Variants in ZFAT observed in about 807,000 individuals in gnomAD.
The protein encoded by ZFAT is zinc finger and AT-hook domain containing.
Under a neutral mutation model 117.7 loss-of-function variants are expected in ZFAT, and 64 were observed. The ratio of observed to expected loss-of-function variants is 0.54; its 90% CI spans 0.44 to 0.67. The LOEUF (loss-of-function observed/expected upper bound fraction) is 0.67, where lower values mean the gene tolerates loss of function less well. Ranked by LOEUF, ZFAT falls within the 30% of genes least tolerant of loss-of-function variation. The pLI is 0.00. For synonymous variants in ZFAT, 679 were observed against 615.0 expected (o/e 1.10, Z -1.54); for missense variants, 1,433 against 1,584.5 (o/e 0.90, Z 1.62).
At chr8:134,775,510 G>A in the ZFAT span, among the ~76,000 whole-genome samples, 2 of 152,164 alleles carry the variant, frequency 1.3e-5, no homozygotes, top group African/African-American at 4.8e-5. Flanking sequence ...AACAAGGAGA[G>A]TACCCACCTT....
chr8:134,679,663 A>G (rs926058845), intron 1 of ZFAT, among the ~76,000 whole-genome samples: 3 of 152,258 alleles, frequency 2.0e-5, no homozygotes, highest in Non-Finnish European at 4.4e-5. Context: ...CACTGTTCAC[A>G]ATAGCAAAGA....
chr8:134,802,405 A>C, the ZFAT span, among the ~76,000 whole-genome samples: 2 of 152,230 alleles, frequency 1.3e-5, no homozygotes, highest in African/African-American at 4.8e-5. Context: ...TACCACATGC[A>C]TGCTGGGGTT....
chr8:134,537,096 T>C (rs1396899360), intron 11 of ZFAT, among the ~76,000 whole-genome samples: 3 of 152,260 alleles, frequency 2.0e-5, no homozygotes, highest in Admixed American at 1.3e-4. Context: ...TTTTTACTGA[T>C]AGCTACTATA....
intron 1 of ZFAT, among the ~76,000 whole-genome samples, chr8:134,691,528 A>G (rs1833587838): frequency 6.6e-6 from 1 of 152,236 alleles, no homozygotes; most frequent in East Asian, 1.9e-4. Flanking sequence ...GCAATTTTGC[A>G]AGGTGAGGAG....
At chr8:134,737,305 AATAAAAAAAT>A in the ZFAT span, among the ~76,000 whole-genome samples, 12 of 122,972 alleles carry the variant, frequency 9.8e-5, no homozygotes, top group African/African-American at 3.6e-4. Flanking sequence ...TAAAAATAAA[AATAAAAAAAT>A]AAAAATGTAG....
upstream of ZFAT, among the ~76,000 whole-genome samples, chr8:134,716,315 A>T (rs12679143): frequency 0.34 from 52,333 of 152,016 alleles, 9,331 homozygotes; most frequent in South Asian, 0.44. Flanking sequence ...TAATCCACTT[A>T]AAAATCATAT....
rs768220839 is a variant in ZFAT, at chr8:134,590,293, C to T, written c.2538G>A (p.Lys846=). The T allele has an allele frequency of 6.2e-7, 1 of 1,613,336 alleles. No individual in the cohort carries two copies. Among genetic ancestry groups the T allele is most frequent in the South Asian group, 1.1e-5 (1 of 91,058 alleles). ...EKSFSEDRLI[K]SHIKTNHPEV... ...CAGGATGGTTGGTCTTGATATGTGA[C>T]TTTATCAATCGATCCTCTGAAAAAG... Residue 846 remains lysine, a synonymous_variant, in exon 8 of 16, where the codon AAG becomes AAA. Transcript: ENST00000377838.
intron 12 of ZFAT, among the ~76,000 whole-genome samples, chr8:134,529,019 G>A (rs1177668259): frequency 1.3e-5 from 2 of 152,194 alleles, no homozygotes; most frequent in Non-Finnish European, 1.5e-5. Flanking sequence ...CTTAGAGAAT[G>A]ATATCTAATC....
chr8:134,718,776 A>G, the ZFAT span, among the ~76,000 whole-genome samples: 1 of 152,218 alleles, frequency 6.6e-6, no homozygotes, highest in Non-Finnish European at 1.5e-5. Flanking sequence ...TTAAGCATTT[A>G]TTTGTAGCTG....
upstream of ZFAT, among the ~76,000 whole-genome samples, chr8:134,713,895 CAA>C (rs386730365): frequency 2.0e-5 from 3 of 151,866 alleles, no homozygotes; most frequent in Non-Finnish European, 2.9e-5. Context: ...TTACCTCTGT[CAA>C]TGGTCACCCC....
intron 11 of ZFAT, among the ~76,000 whole-genome samples, chr8:134,533,706 T>C (rs1354952800): frequency 6.6e-6 from 1 of 152,208 alleles, no homozygotes; most frequent in Non-Finnish European, 1.5e-5. Context: ...CAAGACACTT[T>C]CGGGATGAGG....
At chr8:134,629,622 T>C (rs1829751590) in intron 3 of ZFAT, among the ~76,000 whole-genome samples, 1 of 152,098 alleles carries the variant, frequency 6.6e-6, no homozygotes, top group South Asian at 2.1e-4. Flanking sequence ...TGAGATATGA[T>C]GGTTTAAAAG....
intron 15 of ZFAT, among the ~76,000 whole-genome samples, chr8:134,505,418 G>A (rs1470155630): frequency 3.9e-5 from 6 of 152,310 alleles, no homozygotes; most frequent in Middle Eastern, 3.4e-3. Flanking sequence ...AGCTGTCCAT[G>A]TCCTCATCTT....
At chr8:134,726,084 G>C in the ZFAT span, among the ~76,000 whole-genome samples, 1 of 152,042 alleles carries the variant, frequency 6.6e-6, no homozygotes, top group African/African-American at 2.4e-5. Context: ...CCTTTCATGG[G>C]GTCTGGAATT....
intron 9 of ZFAT, among the ~76,000 whole-genome samples, chr8:134,587,731 G>A (rs991211467): frequency 2.0e-5 from 3 of 152,178 alleles, no homozygotes; most frequent in Non-Finnish European, 2.9e-5. Flanking sequence ...CAACCCAAAA[G>A]CACAGCCTAC....
intron 2 of ZFAT, among the ~76,000 whole-genome samples, chr8:134,653,916 C>T (rs936413422): frequency 6.6e-6 from 1 of 152,154 alleles, no homozygotes; most frequent in East Asian, 1.9e-4. Flanking sequence ...TGGAAGAACA[C>T]TTGTTAGCAC....
chr8:134,708,728 G>A (rs928553275), intron 1 of ZFAT, among the ~76,000 whole-genome samples: 6 of 152,088 alleles, frequency 3.9e-5, no homozygotes, highest in African/African-American at 7.2e-5. Context: ...TGAGGCAGGC[G>A]GATCACCTGA....
At chr8:134,822,872 G>C in the ZFAT span, among the ~76,000 whole-genome samples, 1 of 152,052 alleles carries the variant, frequency 6.6e-6, no homozygotes, top group Non-Finnish European at 1.5e-5. Flanking sequence ...ATTGACTTAG[G>C]AAAATTAACT....
At chr8:134,720,193 A>G in the ZFAT span, among the ~76,000 whole-genome samples, 1 of 152,246 alleles carries the variant, frequency 6.6e-6, no homozygotes, top group Non-Finnish European at 1.5e-5. Context: ...ATGCAGCCAC[A>G]TGGGTGACCT....
Sources: allele counts gnomAD v4.1 joint callset (sites outside exome capture counted in the v4.1 genomes callset), GRCh38; gene constraint gnomAD v4.1.1; transcripts MANE v1.5; gene names NCBI Gene and HGNC (gene_info 2026-07-23, HGNC 2026-07-21).